GRIP1: variants seen among roughly 807,000 people sequenced by gnomAD.
The protein encoded by GRIP1 is glutamate receptor interacting protein 1, also known as glutamate receptor-interacting protein 1.
In GRIP1, 45 loss-of-function variants were observed where a neutral mutation model predicts 129.9. That is an observed-to-expected ratio of 0.35 (90% CI 0.27 to 0.44). The LOEUF (loss-of-function observed/expected upper bound fraction) is 0.44, where lower values mean the gene tolerates loss of function less well. GRIP1 is among the 20% of genes least tolerant of loss of function. The probability of loss-of-function intolerance (pLI) is 1.00; values close to 1 mark genes in which losing one functional copy is unlikely to be tolerated. For synonymous variants in GRIP1, 530 were observed against 520.8 expected, an observed-to-expected ratio of 1.02 and a Z score of -0.24; for missense variants, 1,196 against 1,396.8, an observed-to-expected ratio of 0.86 and a Z score of 2.29.
chr12:66,558,781 C>T (rs1283729113), intron 2 of GRIP1, among the ~76,000 whole-genome samples: 1 of 137,032 alleles, frequency 7.3e-6, no homozygotes, highest in Non-Finnish European at 1.6e-5. Flanking sequence ...CAATCCTGCT[C>T]AAACTATTCC....
intron 1 of GRIP1, among the ~76,000 whole-genome samples, chr12:66,699,614 A>C (rs2035281641): frequency 6.6e-6 from 1 of 152,200 alleles, no homozygotes; most frequent in African/African-American, 2.4e-5. Flanking sequence ...CTGTGAGTTC[A>C]TTAAGCCTCT....
At chr12:66,655,111 ATCC>A (rs2033063041) in intron 1 of GRIP1, among the ~76,000 whole-genome samples, 1 of 152,182 alleles carries the variant, frequency 6.6e-6, no homozygotes, top group Non-Finnish European at 1.5e-5. Flanking sequence ...TAACAAAATG[ATCC>A]AGATACTACT....
At chr12:66,564,455 C>G (rs2062666623) in intron 2 of GRIP1, among the ~76,000 whole-genome samples, 1 of 152,116 alleles carries the variant, frequency 6.6e-6, no homozygotes, top group South Asian at 2.1e-4. Flanking sequence ...AAGACATTAA[C>G]TCATCGTTTT....
At chr12:66,590,664 T>A (rs960054155) in intron 2 of GRIP1, among the ~76,000 whole-genome samples, 1 of 152,200 alleles carries the variant, frequency 6.6e-6, no homozygotes, top group Non-Finnish European at 1.5e-5. Context: ...TGCTCAACTT[T>A]TTCCTAGGGT....
At chr12:66,616,543 C>A (rs538073165) in intron 1 of GRIP1, among the ~76,000 whole-genome samples, 2 of 151,960 alleles carry the variant, frequency 1.3e-5, no homozygotes, top group Admixed American at 1.3e-4. Context: ...GTCAAGTGGC[C>A]CTCAACACTC....
chr12:66,636,957 CTAAG>C (rs1446065367), intron 1 of GRIP1, among the ~76,000 whole-genome samples: 1 of 152,170 alleles, frequency 6.6e-6, no homozygotes, highest in East Asian at 1.9e-4. Context: ...CCTGAGCAAA[CTAAG>C]TAACAGTGGA....
At chr12:66,483,202 C>CA (rs1246515052) in intron 7 of GRIP1, among the ~76,000 whole-genome samples, 1 of 152,180 alleles carries the variant, frequency 6.6e-6, no homozygotes, top group African/African-American at 2.4e-5. Context: ...GGGAGCCTTT[C>CA]AACTTGCTCG....
intron 2 of GRIP1, among the ~76,000 whole-genome samples, chr12:66,564,488 G>A (rs1205700675): frequency 6.6e-6 from 1 of 151,982 alleles, no homozygotes; most frequent in East Asian, 1.9e-4. Context: ...AGTATTCCAT[G>A]GTATATATGT....
intron 16 of GRIP1, 80 bp from the exon 17 acceptor site, chr12:66,394,432 G>A (rs2056713874): frequency 4.2e-6 from 5 of 1,189,054 alleles, no homozygotes; most frequent in Middle Eastern, 2.0e-4. Context: ...ATACATAAAA[G>A]AATTCAAAAC....
intron 1 of GRIP1, among the ~76,000 whole-genome samples, chr12:66,620,560 T>C (rs1360371851): frequency 6.6e-6 from 1 of 152,114 alleles, no homozygotes; most frequent in Non-Finnish European, 1.5e-5. Context: ...CAAAGAACAA[T>C]AAACATGGCT....
intron 1 of GRIP1, among the ~76,000 whole-genome samples, chr12:66,755,879 C>T (rs2037273226): frequency 1.3e-5 from 2 of 152,132 alleles, no homozygotes. Flanking sequence ...TTTTCTCCAG[C>T]CTATCCAGTA....
Position 66,796,753 on chromosome 12 carries a change from G to A in GRIP1, c.-420+7300C>T, listed in dbSNP as rs147837083. ...GCTGAATGAATAAAAATGGTGGGAT[G>A]CTTACCACAAATACAATCTTCCTAT... On this transcript the variant is annotated intron_variant, in intron 1 of 4. Transcript: ENST00000538373. 6.7e-4 allele frequency among the ~76,000 whole-genome samples: 102 copies of A among 152,236 alleles called. 2 individuals carry two copies. Among genetic ancestry groups the A allele is most frequent in the African/African-American group, 2.3e-3 (97 of 41,540 alleles).
Position 66,876,335 on chromosome 12 carries a change from A to G in GRIP1, c.58+192715T>C, listed in dbSNP as rs1243783950. Reference sequence around the variant, plus strand: ...TCTAAAAAATGCTTATTCTATTACAAGCACTTTATACTCATTTTCTAACTT... The same window carrying G: ...TCTAAAAAATGCTTATTCTATTACAGGCACTTTATACTCATTTTCTAACTT... On this transcript the variant is annotated intron_variant, in intron 1 of 1. Coordinates refer to the GRIP1 transcript ENST00000643019. 3.3e-5 allele frequency among the ~76,000 whole-genome samples: 5 copies of G among 152,042 alleles called. No individual in the cohort carries two copies. The East Asian group carries it at 9.7e-4, about 29-fold the overall frequency.
chr12:66,411,748 G>A (rs988475084), intron 15 of GRIP1, among the ~76,000 whole-genome samples: 17 of 152,196 alleles, frequency 1.1e-4, no homozygotes, highest in Non-Finnish European at 2.4e-4. Flanking sequence ...AACATTACAG[G>A]AGCTGATGAC....
chr12:66,444,722 C>A lies in GRIP1; in HGVS notation c.1549G>T (p.Val517Leu). 1.2e-6 allele frequency: 2 copies of A among 1,613,970 alleles called. No homozygotes were observed. The highest frequency in any genetic ancestry group is 1.7e-6 in the Non-Finnish European group (2 of 1,179,914). Residue 517 changes from valine to leucine, a missense_variant, in exon 13 of 25, where the codon GTG (valine) becomes TTG (leucine). Around this residue, in one of 5 missense-constraint regions of GRIP1, gnomAD observed 508 missense variants for 587.0 expected, o/e 0.87. Transcript: ENST00000359742. Reference protein sequence around the residue: ...EADSPAERCGVLQIGDRVMAI... With the variant: ...EADSPAERCGLLQIGDRVMAI... ...ATCACTCTGTCTCCAATCTGTAGCACCCCACATCTAATTTAGAACCACATG... is the reference window on the plus strand; with the variant it reads ...ATCACTCTGTCTCCAATCTGTAGCAACCCACATCTAATTTAGAACCACATG...
chr12:66,737,002 G>A (rs2036624588), intron 1 of GRIP1, among the ~76,000 whole-genome samples: 1 of 151,626 alleles, frequency 6.6e-6, no homozygotes, highest in Non-Finnish European at 1.5e-5. Context: ...TATTCATCAG[G>A]GATTTTCAGG....
At chr12:66,758,398 C>T (rs2037366792) in intron 1 of GRIP1, among the ~76,000 whole-genome samples, 1 of 151,676 alleles carries the variant, frequency 6.6e-6, no homozygotes, top group African/African-American at 2.4e-5. Context: ...CCCGGTTCTT[C>T]CTACAACACA....
rs1178865689 is a variant in GRIP1 at position 66,502,716 on chromosome 12, T to C, written c.724+12903A>G. On this transcript the variant is annotated intron_variant, in intron 7 of 24. Transcript: ENST00000359742. ...CTTCCACTTCACCTTCTGCCATGAG[T>C]AAAAGCTCACTGAGGCCTTCCAAGA... is the stretch of plus-strand genomic sequence containing the variant. Among the ~76,000 whole-genome samples, 4 of 152,138 alleles carry C rather than the reference T, an allele frequency of 2.6e-5. No homozygotes were observed. The East Asian group carries it at 5.8e-4, about 22-fold the overall frequency.
chr12:66,970,874 G>A (rs2042066084), intron 1 of GRIP1, among the ~76,000 whole-genome samples: 1 of 152,120 alleles, frequency 6.6e-6, no homozygotes, highest in South Asian at 2.1e-4. Context: ...ATAAGACTCT[G>A]GTAAAGCCCT....
Sources: gnomAD v4.1 joint callset for allele counts (sites outside exome capture counted in the v4.1 genomes callset) on GRCh38, gnomAD v4.1.1 for gene constraint, gnomAD v4.1.1 regional missense constraint, MANE v1.5 for transcripts, NCBI Gene and HGNC (gene_info 2026-07-23, HGNC 2026-07-21) for gene names.